Variants in PPP1R9A observed in about 807,000 individuals in gnomAD.
PPP1R9A encodes neurabin-1.
A neutral mutation model predicts 141.9 loss-of-function variants in PPP1R9A; 59 were observed. The ratio of observed to expected loss-of-function variants is 0.42; its 90% CI spans 0.34 to 0.52. PPP1R9A has a LOEUF of 0.52. Among genes scored for constraint, PPP1R9A ranks in the 20% least tolerant of loss-of-function variants. The pLI, the probability that PPP1R9A is intolerant of heterozygous loss-of-function variation, is 0.10. For synonymous variants in PPP1R9A, 500 were observed against 569.7 expected (o/e 0.88, Z 1.74); for missense variants, 1,444 against 1,611.9 (o/e 0.90, Z 1.78).
At chr7:95,254,229 A>C (rs899750898) in intron 12 of PPP1R9A, among the ~76,000 whole-genome samples, 18 of 152,206 alleles carry the variant, frequency 1.2e-4, no homozygotes, top group Non-Finnish European at 1.8e-4. Flanking sequence ...AGTAGCATAC[A>C]TATCAAGTGC....
intron 2 of PPP1R9A, among the ~76,000 whole-genome samples, chr7:95,090,706 G>T (rs1323980409): frequency 6.6e-6 from 1 of 151,796 alleles, no homozygotes; most frequent in Non-Finnish European, 1.5e-5. Context: ...TACTTGGGAG[G>T]CTAAGGCAGG....
chr7:95,047,999 C>A (rs1810269952), intron 2 of PPP1R9A, among the ~76,000 whole-genome samples: 1 of 151,936 alleles, frequency 6.6e-6, no homozygotes. Flanking sequence ...ATTATACTTT[C>A]CCAAGTAGAA....
At chr7:95,223,150 A>G (rs902742402) in intron 7 of PPP1R9A, among the ~76,000 whole-genome samples, 14 of 152,170 alleles carry the variant, frequency 9.2e-5, no homozygotes, top group Admixed American at 9.2e-4. Context: ...TATAAGGCTA[A>G]TTGGAGAAAG....
chr7:94,910,394 C>T lies in PPP1R9A; in HGVS notation c.281C>T (p.Ser94Leu). Residue 94 changes from serine to leucine, a missense_variant, in exon 2 of 20, where the codon TCA (serine) becomes TTA (leucine). Around this residue, in one of 5 missense-constraint regions of PPP1R9A, gnomAD observed 490 missense variants for 521.1 expected, o/e 0.94. Coordinates refer to ENST00000433360, the MANE Select transcript of PPP1R9A (RefSeq NM_001166160.2). The surrounding 1 kb of genome is among the most constrained non-coding windows in gnomAD (Gnocchi z 4.5). Reference sequence around the variant, plus strand: ...AAAACAAGGGGGAAAGGTGGACATTCATCTCCTCAGAGAAGAATGAAGCCC... The same window carrying T: ...AAAACAAGGGGGAAAGGTGGACATTTATCTCCTCAGAGAAGAATGAAGCCC... ...IAKTRGKGGH[S>L]SPQRRMKPKE... 3 of 1,614,102 alleles carry T rather than the reference C, an allele frequency of 1.9e-6. No homozygotes were observed. Among genetic ancestry groups the T allele is most frequent in the Non-Finnish European group, 2.5e-6 (3 of 1,180,024 alleles).
chr7:95,055,561 G>T (rs1811394413), intron 2 of PPP1R9A, among the ~76,000 whole-genome samples: 1 of 152,088 alleles, frequency 6.6e-6, no homozygotes, highest in Non-Finnish European at 1.5e-5. Flanking sequence ...CCAAAGACAG[G>T]TTAATCTTCT....
rs573200499 is a variant in PPP1R9A, at chr7:95,207,411, A to G, written c.1956+3681A>G. 2.6e-5 allele frequency among the ~76,000 whole-genome samples: 4 copies of G among 152,300 alleles called. 1 individual carries two copies. Among genetic ancestry groups the G allele is most frequent in the African/African-American group, 9.6e-5 (4 of 41,582 alleles). Reference sequence around the variant, plus strand: ...GACAGTGTGAGATGTATGAAGTAATAAAACATAACTTTGGTACCAAAAGCT... The same window carrying G: ...GACAGTGTGAGATGTATGAAGTAATGAAACATAACTTTGGTACCAAAAGCT... On this transcript the variant is annotated intron_variant, in intron 7 of 19. Coordinates refer to ENST00000433360, the MANE Select transcript of PPP1R9A (RefSeq NM_001166160.2).
At chr7:95,074,474 T>G (rs957692816) in intron 2 of PPP1R9A, among the ~76,000 whole-genome samples, 2,060 of 112,490 alleles carry the variant, frequency 0.018, 38 homozygotes, top group African/African-American at 0.07. Flanking sequence ...TGTTTTTTTT[T>G]TTTTTGTTGT....
chr7:95,104,564 G>A (rs561326509), intron 2 of PPP1R9A, among the ~76,000 whole-genome samples: 10 of 152,266 alleles, frequency 6.6e-5, no homozygotes, highest in Non-Finnish European at 1.2e-4. Context: ...GAGACTACCA[G>A]TGTTTACCCT....
intron 2 of PPP1R9A, among the ~76,000 whole-genome samples, chr7:95,010,037 A>G (rs1306307630): frequency 6.6e-6 from 1 of 152,172 alleles, no homozygotes; most frequent in African/African-American, 2.4e-5. Flanking sequence ...TACTATTCAG[A>G]GGGTACAAAC....
intron 2 of PPP1R9A, among the ~76,000 whole-genome samples, chr7:95,002,437 G>A (rs1043208445): frequency 6.6e-6 from 1 of 152,150 alleles, no homozygotes; most frequent in Non-Finnish European, 1.5e-5. Context: ...GGTAGGACAC[G>A]TGAAGATGGG....
intron 2 of PPP1R9A, among the ~76,000 whole-genome samples, chr7:95,055,834 AT>A (rs1368864372): frequency 6.6e-6 from 1 of 152,060 alleles, no homozygotes; most frequent in Non-Finnish European, 1.5e-5. Context: ...TACGTTAGGA[AT>A]TTCTTGTTCT....
At chr7:95,242,267 T>G (rs551370614) in intron 8 of PPP1R9A, among the ~76,000 whole-genome samples, 35 of 152,274 alleles carry the variant, frequency 2.3e-4, no homozygotes, top group African/African-American at 7.7e-4. Flanking sequence ...TAACTAAAAA[T>G]TTAGATCCCA....
chr7:95,200,848 C>CT (rs1168401596), intron 6 of PPP1R9A, among the ~76,000 whole-genome samples: 1 of 152,050 alleles, frequency 6.6e-6, no homozygotes, highest in Non-Finnish European at 1.5e-5. Flanking sequence ...AAGAGATTTT[C>CT]TTTTTTTCCC....
chr7:95,169,591 C>G (rs1194744971), intron 5 of PPP1R9A, among the ~76,000 whole-genome samples: 3 of 151,682 alleles, frequency 2.0e-5, no homozygotes, highest in African/African-American at 7.3e-5. Flanking sequence ...CTCCAGATAC[C>G]CTGATTTGGT....
rs545561141 is a variant in PPP1R9A, at chr7:94,941,093, TA to T, written c.1395+29586del. 1.8e-3 allele frequency among the ~76,000 whole-genome samples: 277 copies of T among 152,314 alleles called. 1 individual carries two copies. Among genetic ancestry groups the T allele is most frequent in the Non-Finnish European group, 3.2e-3 (215 of 68,006 alleles). ...TTTGATATTGTCTGTGAAAGACTAATATTTTTTAAAATTCAGAAGTCGCAGG... is the reference window on the plus strand; with the variant it reads ...TTTGATATTGTCTGTGAAAGACTAATTTTTTTAAAATTCAGAAGTCGCAGG... On this transcript the variant is annotated intron_variant, in intron 2 of 19. Transcript: ENST00000433360.
intron 2 of PPP1R9A, among the ~76,000 whole-genome samples, chr7:94,967,336 G>C (rs1798331671): frequency 6.6e-6 from 1 of 151,670 alleles, no homozygotes; most frequent in African/African-American, 2.4e-5. Flanking sequence ...TCTGATCTTA[G>C]GTATTTCTTG....
intron 2 of PPP1R9A, among the ~76,000 whole-genome samples, chr7:95,094,879 CAAAAA>C (rs1166550834): frequency 2.2e-3 from 101 of 44,986 alleles, no homozygotes; most frequent in African/African-American, 6.7e-3. Context: ...GACTGCGTCT[CAAAAA>C]AAAAAAAAAA....
chr7:94,939,005 T>G (rs886806379), intron 2 of PPP1R9A, among the ~76,000 whole-genome samples: 2 of 152,216 alleles, frequency 1.3e-5, no homozygotes, highest in African/African-American at 4.8e-5. Context: ...TATAAGCAAA[T>G]ATATTAGTAT....
At chr7:94,946,993 A>G (rs1795963585) in intron 2 of PPP1R9A, among the ~76,000 whole-genome samples, 1 of 152,116 alleles carries the variant, frequency 6.6e-6, no homozygotes, top group Non-Finnish European at 1.5e-5. Flanking sequence ...TATTATTTGT[A>G]TCCTTTTATT....
Sources: allele counts gnomAD v4.1 joint callset (sites outside exome capture counted in the v4.1 genomes callset), GRCh38; gene constraint gnomAD v4.1.1; regional missense constraint gnomAD v4.1.1; non-coding constraint Gnocchi (gnomAD v3.1); transcripts MANE v1.5; gene names NCBI Gene and HGNC (gene_info 2026-07-23, HGNC 2026-07-21).